The following CATSPERQ variants were observed in gnomAD, a reference collection of about 807,000 sequenced individuals.
The protein encoded by CATSPERQ is cation channel sperm-associated auxiliary subunit theta.
chr8:144,354,828 A>G, the CATSPERQ span: 4 of 1,509,088 alleles, frequency 2.7e-6, no homozygotes, highest in Non-Finnish European at 3.5e-6. This position sits in a 1 kb window ranked among gnomAD's most constrained non-coding sequence, Gnocchi z 4.6. Flanking sequence ...CACTGCCCAC[A>G]GCGGCACTCC....
chr8:144,353,630 G>C, the CATSPERQ span: 1 of 1,458,096 alleles, frequency 6.9e-7, no homozygotes, highest in Non-Finnish European at 9.2e-7. Context: ...CGTCCTGCCC[G>C]AAGCCCCGGC....
the CATSPERQ span, chr8:144,354,790 G>C: frequency 1.4e-4 from 210 of 1,526,992 alleles, no homozygotes; most frequent in African/African-American, 2.4e-3. This position sits in a 1 kb window ranked among gnomAD's most constrained non-coding sequence, Gnocchi z 4.6. Flanking sequence ...GAGGTGGTCA[G>C]CCTGGCCGCT....
the CATSPERQ span, chr8:144,354,737 T>G: frequency 6.5e-7 from 1 of 1,535,498 alleles, no homozygotes; most frequent in Non-Finnish European, 8.7e-7. The surrounding 1 kb of genome is among the most constrained non-coding windows in gnomAD (Gnocchi z 4.6). Context: ...ATGGAGGTCG[T>G]GGGCAGGCTG....
At chr8:144,353,590 C>T in the CATSPERQ span, 4 of 1,479,654 alleles carry the variant, frequency 2.7e-6, no homozygotes, top group Middle Eastern at 1.9e-4. Context: ...GCCGTCCAGG[C>T]GTCTCCTTCC....
At chr8:144,354,378 CG>C in the CATSPERQ span, 1 of 1,513,382 alleles carries the variant, frequency 6.6e-7, no homozygotes, top group Non-Finnish European at 8.8e-7. This position sits in a 1 kb window ranked among gnomAD's most constrained non-coding sequence, Gnocchi z 4.6. Flanking sequence ...TGCCCGCAGC[CG>C]GGGGTGGCGG....
At chr8:144,354,241 C>T in the CATSPERQ span, 2 of 1,542,396 alleles carry the variant, frequency 1.3e-6, no homozygotes, top group Non-Finnish European at 1.7e-6. This position sits in a 1 kb window ranked among gnomAD's most constrained non-coding sequence, Gnocchi z 4.6. Flanking sequence ...TCACACCTCT[C>T]TCAGGGAGCT....
the CATSPERQ span, chr8:144,353,903 C>T: frequency 1.0e-5 from 16 of 1,529,202 alleles, no homozygotes; most frequent in Non-Finnish European, 1.4e-5. Context: ...GCCGCCCCTC[C>T]GACCTCCCAA....
the CATSPERQ span, chr8:144,353,459 G>C: frequency 1.2e-5 from 19 of 1,535,968 alleles, 1 homozygote; most frequent in South Asian, 2.3e-4. Context: ...GCCGGTAGGA[G>C]GTGGCCAGGT....
the CATSPERQ span, chr8:144,353,485 T>C: frequency 6.5e-7 from 1 of 1,535,830 alleles, no homozygotes; most frequent in Non-Finnish European, 8.7e-7. Flanking sequence ...AAGTAGTTGA[T>C]GTTGAGTTTC....
chr8:144,353,972 G>A, the CATSPERQ span: 2 of 1,533,742 alleles, frequency 1.3e-6, no homozygotes, highest in South Asian at 1.2e-5. Flanking sequence ...CTGAGCGCCA[G>A]GCGCACGTAG....
chr8:144,354,337 G>GGTGGC, the CATSPERQ span: 6 of 1,532,802 alleles, frequency 3.9e-6, no homozygotes, highest in Non-Finnish European at 4.4e-6. The surrounding 1 kb of genome is among the most constrained non-coding windows in gnomAD (Gnocchi z 4.6). Flanking sequence ...GAAGACTGGG[G>GGTGGC]GTGGCGCGGC....
chr8:144,353,633 G>GGC, the CATSPERQ span: 1 of 1,451,002 alleles, frequency 6.9e-7, no homozygotes, highest in Admixed American at 2.2e-5. Flanking sequence ...CCTGCCCGAA[G>GGC]CCCCGGCGCC....
the CATSPERQ span, chr8:144,353,669 A>T: frequency 6.8e-7 from 1 of 1,468,666 alleles, no homozygotes; most frequent in East Asian, 2.5e-5. Flanking sequence ...AGCACCGAAG[A>T]CCGTGTTGTA....
chr8:144,353,362 T>A, the CATSPERQ span: 1 of 1,533,570 alleles, frequency 6.5e-7, no homozygotes, highest in African/African-American at 1.4e-5. Flanking sequence ...ACCTCCAGGC[T>A]GGACTGAGAG....
chr8:144,353,517 T>A, the CATSPERQ span: 1 of 1,534,370 alleles, frequency 6.5e-7, no homozygotes, highest in Non-Finnish European at 8.7e-7. Flanking sequence ...ACGGCCCAAG[T>A]ATTCCATTTG....
the CATSPERQ span, chr8:144,353,418 G>C: frequency 1.0e-5 from 16 of 1,535,798 alleles, no homozygotes; most frequent in Middle Eastern, 1.7e-4. Context: ...CACAGTGCCA[G>C]CGCCAGGGGG....
At chr8:144,354,578 A>AACCCCCCCCCCCCCCCCCCC in the CATSPERQ span, 2 of 221,152 alleles carry the variant, frequency 9.0e-6, no homozygotes, top group Non-Finnish European at 1.4e-5. This position sits in a 1 kb window ranked among gnomAD's most constrained non-coding sequence, Gnocchi z 4.6. Context: ...CGCCCTTCCC[A>AACCCCCCCCCCCCCCCCCCC]GCCCCGCCCC....
At chr8:144,354,425 A>G in the CATSPERQ span, 10 of 1,372,628 alleles carry the variant, frequency 7.3e-6, no homozygotes, top group Admixed American at 1.3e-4. The surrounding 1 kb of genome is among the most constrained non-coding windows in gnomAD (Gnocchi z 4.6). Context: ...GGGTCCGCGC[A>G]GGGCTCGCGG....
At chr8:144,353,618 C>T in the CATSPERQ span, 11,454 of 1,456,568 alleles carry the variant, frequency 7.9e-3, 62 homozygotes, top group Non-Finnish European at 9.1e-3. Context: ...GGCTGCATCC[C>T]CCGTCCTGCC....
Sources: allele counts gnomAD v4.1 joint callset, GRCh38; gene constraint gnomAD v4.1.1; non-coding constraint Gnocchi (gnomAD v3.1); transcripts MANE v1.5; gene names NCBI Gene and HGNC (gene_info 2026-07-23, HGNC 2026-07-21).